The following DMXL1 variants were observed in gnomAD, a reference collection of about 807,000 sequenced individuals.
DMXL1 encodes Dmx like 1, also known as dmX-like protein 1.
In DMXL1, 99 loss-of-function variants were observed where a neutral mutation model predicts 319.2. The observed-to-expected ratio is 0.31, with a 90% CI of 0.26 to 0.37. DMXL1 has a LOEUF of 0.37. Ranked by LOEUF, DMXL1 falls within the 10% of genes least tolerant of loss-of-function variation. The pLI, the probability that DMXL1 is intolerant of heterozygous loss-of-function variation, is 1.00. For synonymous variants in DMXL1, 1,385 were observed against 1,235.2 expected (o/e 1.12, Z -2.54); for missense variants, 3,745 against 3,595.6 (o/e 1.04, Z -1.06).
chr5:119,223,749 A>AT (rs1043378090), intron 37 of DMXL1, among the ~76,000 whole-genome samples: 24 of 152,000 alleles, frequency 1.6e-4, no homozygotes, highest in South Asian at 8.3e-4. Flanking sequence ...GTGTTTGTAT[A>AT]TTTTTTTTAC....
chr5:119,113,621 G>T, intron 5 of DMXL1, among the ~76,000 whole-genome samples: 1 of 152,310 alleles, frequency 6.6e-6, no homozygotes, highest in Non-Finnish European at 1.5e-5. Flanking sequence ...GCAGAAAGTA[G>T]AGAGAGTGGA....
chr5:119,230,666 A>C (rs956269536), intron 38 of DMXL1, among the ~76,000 whole-genome samples: 1 of 152,158 alleles, frequency 6.6e-6, no homozygotes, highest in Non-Finnish European at 1.5e-5. Flanking sequence ...GCAGATCACA[A>C]GGTAAGGAGA....
intron 39 of DMXL1, among the ~76,000 whole-genome samples, chr5:119,235,470 G>A (rs1787577771): frequency 6.6e-6 from 1 of 151,914 alleles, no homozygotes; most frequent in African/African-American, 2.4e-5. Flanking sequence ...TTGCTGGGAA[G>A]CACAAATTAA....
At chr5:119,183,474 C>CCTTTT (rs1777134488) in intron 28 of DMXL1, among the ~76,000 whole-genome samples, 1 of 152,168 alleles carries the variant, frequency 6.6e-6, no homozygotes, top group Admixed American at 6.5e-5. Flanking sequence ...GGAATACTTT[C>CCTTTT]CTTTTCTTTT....
At chr5:119,086,793 A>C (rs560887703) in intron 1 of DMXL1, among the ~76,000 whole-genome samples, 3 of 152,190 alleles carry the variant, frequency 2.0e-5, no homozygotes, top group South Asian at 4.1e-4. Context: ...TTAGTTCTTT[A>C]AATGTTTGAT....
rs202132177 is a variant in DMXL1, at chr5:119,071,672, C to A, written c.87+16C>A. ...GCGCTTCACGGTGAGTGAGGGAGGCCCTCGCGTCGCCCGTGGCCCGGCCTT... is the reference window on the plus strand; with the variant it reads ...GCGCTTCACGGTGAGTGAGGGAGGCACTCGCGTCGCCCGTGGCCCGGCCTT... On this transcript the variant is annotated intron_variant, in intron 1 of 43. Coordinates refer to ENST00000539542, the MANE Select transcript of DMXL1 (RefSeq NM_001290321.3). 1.7e-4 allele frequency: 269 copies of A among 1,569,852 alleles called. 2 individuals are homozygous for A. In the East Asian group the frequency reaches 4.4e-3, roughly 25 times the overall value.
intron 34 of DMXL1, among the ~76,000 whole-genome samples, chr5:119,209,334 C>T (rs1040132503): frequency 9.3e-5 from 14 of 150,556 alleles, no homozygotes; most frequent in East Asian, 1.9e-4. Context: ...GGATTGTGTA[C>T]GAAATCCCAT....
Position 119,178,255 on chromosome 5 carries a change from A to G in DMXL1, c.7135+11A>G. 2.5e-6 allele frequency: 4 copies of G among 1,609,148 alleles called. No homozygotes were observed. The highest frequency in any genetic ancestry group is 3.4e-6 in the Non-Finnish European group (4 of 1,177,516). On this transcript the variant is annotated intron_variant, in intron 28 of 43. Coordinates refer to ENST00000539542, the MANE Select transcript of DMXL1 (RefSeq NM_001290321.3). The stretch of plus-strand genomic sequence containing the variant: ...CAAAAACTTTACCTGGTGAGTTTAA[A>G]AAATTTTTTTAGGACTGAAGCTTTA...
chr5:119,107,209 C>T (rs1758549381), intron 4 of DMXL1, among the ~76,000 whole-genome samples: 1 of 151,844 alleles, frequency 6.6e-6, no homozygotes, highest in Non-Finnish European at 1.5e-5. Flanking sequence ...GGCTTGGTGG[C>T]TGGCACCTGA....
rs1191844333 is a variant in DMXL1, at chr5:119,214,379, C to T, written c.7927-2522C>T. On this transcript the variant is annotated intron_variant, in intron 34 of 43. Transcript: ENST00000539542. ...GATCTCTCACTTCAGCTACTGTAGT[C>T]GCCTTTTAACTGGTTTTCTGATAGT... is the stretch of plus-strand genomic sequence containing the variant. Among the ~76,000 whole-genome samples, 12 of 152,270 alleles carry T rather than the reference C, an allele frequency of 7.9e-5. No individual in the cohort carries two copies. In the East Asian group the frequency reaches 2.3e-3, roughly 29 times the overall value.
chr5:119,174,630 G>A (rs1451673636), intron 25 of DMXL1, among the ~76,000 whole-genome samples: 1 of 152,164 alleles, frequency 6.6e-6, no homozygotes, highest in East Asian at 1.9e-4. Context: ...ATTCTAGTCT[G>A]GTTTGCTTTC....
Position 119,173,983 on chromosome 5 carries a change from G to A in DMXL1, c.6682-1278G>A, listed in dbSNP as rs990806749. On this transcript the variant is annotated intron_variant, in intron 25 of 43. Coordinates refer to ENST00000539542, the MANE Select transcript of DMXL1 (RefSeq NM_001290321.3). Reference sequence around the variant, plus strand: ...CAGGTCAGAAAGTCAGCAGGCTGAAGACCCAAAAAGAGCTGATGTTTTAGT... The same window carrying A: ...CAGGTCAGAAAGTCAGCAGGCTGAAAACCCAAAAAGAGCTGATGTTTTAGT... 3.3e-5 allele frequency among the ~76,000 whole-genome samples: 5 copies of A among 151,278 alleles called. No individual in the cohort carries two copies. In the East Asian group the frequency reaches 5.9e-4, roughly 18 times the overall value.
intron 38 of DMXL1, among the ~76,000 whole-genome samples, chr5:119,229,104 C>T (rs1435514628): frequency 3.4e-5 from 5 of 147,144 alleles, no homozygotes; most frequent in Non-Finnish European, 5.9e-5. Flanking sequence ...AGCTTGAGCC[C>T]AGGAGTTCAA....
intron 9 of DMXL1, among the ~76,000 whole-genome samples, chr5:119,122,799 A>T (rs1762496550): frequency 6.7e-6 from 1 of 149,414 alleles, no homozygotes; most frequent in Admixed American, 6.7e-5. Context: ...GGCCGGGCAG[A>T]GATGCTCCTC....
At position 119,133,947 on chromosome 5, in the gene DMXL1, G is replaced by C; in HGVS notation, c.2023G>C (p.Ala675Pro). The C allele has an allele frequency of 6.2e-7, 1 of 1,614,140 alleles. No individual in the cohort carries two copies. The highest frequency in any genetic ancestry group is 8.5e-7 in the Non-Finnish European group (1 of 1,180,024). ...TGATAACCCAGAGCAACCTTTTGAT[G>C]CTCTAAATATTGAAGAATGCTCTTT... ...DVDNPEQPFD[A>P]LNIEECSLTQ... The change falls in exon 12 of 44, where the codon GCT becomes CCT. Residue 675 changes from alanine (A) to proline (P), a missense_variant. Transcript: ENST00000539542.
chr5:119,158,764 G>C (rs1771638759), intron 19 of DMXL1, among the ~76,000 whole-genome samples: 1 of 152,108 alleles, frequency 6.6e-6, no homozygotes, highest in Admixed American at 6.5e-5. Context: ...CCTTAATTTT[G>C]TTAATATGAA....
chr5:119,151,226 G>C (rs549222102), intron 18 of DMXL1, among the ~76,000 whole-genome samples: 1 of 151,372 alleles, frequency 6.6e-6, no homozygotes, highest in East Asian at 1.9e-4. Context: ...CACCCAGAGA[G>C]CATTTAAAAA....
At chr5:119,078,761 T>C (rs1458909742) in intron 1 of DMXL1, among the ~76,000 whole-genome samples, 1 of 152,206 alleles carries the variant, frequency 6.6e-6, no homozygotes, top group African/African-American at 2.4e-5. Flanking sequence ...CTGTGAGATA[T>C]TCAGATCAAG....
rs141434894 is a variant in DMXL1, at chr5:119,174,878, G to A, written c.6682-383G>A. Among the ~76,000 whole-genome samples the A allele has an allele frequency of 4.2e-3, 634 of 152,254 alleles. 3 individuals are homozygous for A. The highest frequency in any genetic ancestry group is 0.014 in the African/African-American group (600 of 41,546). On this transcript the variant is annotated intron_variant, in intron 25 of 43. Coordinates refer to ENST00000539542, the MANE Select transcript of DMXL1 (RefSeq NM_001290321.3). ...ATATTCTTCAGTGACCTGTCCGTTG[G>A]TGAACTGTCAGTTATCAGGCTGTTT...
Sources: gnomAD v4.1 joint callset for allele counts (sites outside exome capture counted in the v4.1 genomes callset) on GRCh38, gnomAD v4.1.1 for gene constraint, MANE v1.5 for transcripts, NCBI Gene and HGNC (gene_info 2026-07-23, HGNC 2026-07-21) for gene names.